ECE1: variants seen among roughly 807,000 people sequenced by gnomAD.
ECE1 encodes endothelin-converting enzyme 1.
ECE1 carries 35 observed loss-of-function variants against 98.6 expected under a neutral mutation model. The observed-to-expected ratio is 0.35, with a 90% CI of 0.27 to 0.47. The LOEUF (loss-of-function observed/expected upper bound fraction) is 0.47. ECE1 is among the 20% of genes least tolerant of loss of function. The probability of loss-of-function intolerance (pLI) is 1.00; values close to 1 mark genes in which losing one functional copy is unlikely to be tolerated. For missense variants in ECE1, 814 were observed against 1,025.3 expected (o/e 0.79, Z 2.81); for synonymous variants, 394 against 407.1 (o/e 0.97, Z 0.39).
intron 1 of ECE1, among the ~76,000 whole-genome samples, chr1:21,320,202 C>T (rs1638931648): frequency 6.6e-6 from 1 of 152,212 alleles, no homozygotes; most frequent in African/African-American, 2.4e-5. Context: ...CCAGCTGATA[C>T]CTGGTGAGAC....
At chr1:21,299,849 G>A (rs213055) in intron 1 of ECE1, 16,086 of 152,242 alleles carry the variant, frequency 0.11, 1,106 homozygotes, top group East Asian at 0.39. Context: ...CTGTAAAATG[G>A]GGAAGTAGTT....
Position 21,329,890 on chromosome 1 carries a change from G to A in ECE1, c.3+15486C>T, listed in dbSNP as rs75734938. 5.0e-4 allele frequency among the ~76,000 whole-genome samples: 76 copies of A among 152,280 alleles called. 1 individual carries two copies. In the East Asian group the frequency reaches 0.014, roughly 28 times the overall value. On this transcript the variant is annotated intron_variant, in intron 1 of 18. Coordinates refer to the ECE1 transcript ENST00000415912. ...AAATGGTCTAGGGCTCACGTGGAGT[G>A]ACCCAGGACCCAGAGTCTCACCTCC... is the stretch of plus-strand genomic sequence containing the variant.
chr1:21,260,396 GAAC>G lies in ECE1; in HGVS notation c.494-7_494-5del, dbSNP rs776271751. The G allele has an allele frequency of 6.8e-6, 11 of 1,614,076 alleles. No homozygotes were observed. The highest frequency in any genetic ancestry group is 3.3e-5 in the South Asian group (3 of 91,090). ...CTCACGCTGGCCGTGGAGTTTTCTG[GAAC>G]AACAGACAGTGGAGTTTGCAATGCG... On this transcript the variant is annotated splice_region_variant and splice_polypyrimidine_tract_variant and intron_variant, in intron 4 of 18. Coordinates refer to ENST00000374893, the MANE Select transcript of ECE1 (RefSeq NM_001397.3). This position sits in a 1 kb window ranked among gnomAD's most constrained non-coding sequence, Gnocchi z 4.3.
At chr1:21,259,941 C>T (rs1487140830) in intron 5 of ECE1, among the ~76,000 whole-genome samples, 2 of 152,154 alleles carry the variant, frequency 1.3e-5, no homozygotes, top group African/African-American at 2.4e-5. Flanking sequence ...ACAGCAGCAA[C>T]GTGGAGGAAT....
intron 8 of ECE1, 126 bp downstream of exon 8, chr1:21,255,821 A>T (rs1204171519): frequency 8.2e-6 from 9 of 1,097,018 alleles, no homozygotes; most frequent in Non-Finnish European, 1.2e-5. Flanking sequence ...TGGGCATAAC[A>T]ACCATCCTTC....
At position 21,225,541 on chromosome 1, in the gene ECE1, C is replaced by T. The variant is rs756194146; in HGVS notation, c.1850-101G>A. On this transcript the variant is annotated intron_variant, in intron 16 of 18. Transcript: ENST00000374893. The surrounding 1 kb of genome is among the most constrained non-coding windows in gnomAD (Gnocchi z 5.3). The stretch of plus-strand genomic sequence containing the variant: ...GTGAGAAGCGGTTCATCCGTCCACC[C>T]CCGTCCTCCAGCCACCATGGGGAGA... 6 of 1,389,662 alleles carry T rather than the reference C, an allele frequency of 4.3e-6. No homozygotes were observed. The highest frequency in any genetic ancestry group is 1.9e-4 in the Middle Eastern group (1 of 5,334). The allele number at this position is 1,389,662 out of a possible 1,614,324, so 86.1% of individuals were successfully genotyped here. A position where few individuals can be genotyped will look rare whatever the true frequency, so the allele number is the denominator to read the frequency against.
At position 21,260,782 on chromosome 1, in the gene ECE1, G is replaced by C. The variant is rs2098225780; in HGVS notation, c.494-390C>G. On this transcript the variant is annotated intron_variant, in intron 4 of 18. Coordinates refer to ENST00000374893, the MANE Select transcript of ECE1 (RefSeq NM_001397.3). This position sits in a 1 kb window ranked among gnomAD's most constrained non-coding sequence, Gnocchi z 4.3. ...GGACAGAGGCCGGTCTTGGTTTTCA[G>C]ATACCAGATGATCTTTCTTGTGATA... Among the ~76,000 whole-genome samples, 1 of 152,208 alleles carries C rather than the reference G, an allele frequency of 6.6e-6. No individual in the cohort carries two copies. The highest frequency in any genetic ancestry group is 6.5e-5 in the Admixed American group (1 of 15,282).
chr1:21,221,819 C>A lies in ECE1; in HGVS notation c.2064G>T (p.Lys688Asn). The part of the protein sequence containing the change: ...AYRAYQNWVK[K>N]NGAEHSLPTL... ...TGGGGAGCGAGTGCTCAGCCCCGTT[C>A]TTCTTCACCCAGTTCTGGTAAGCCT... is the stretch of plus-strand genomic sequence containing the variant. The change falls in exon 18 of 19, where the codon AAG (lysine) becomes AAT (asparagine). Residue 688 changes from lysine to asparagine, a missense_variant. By Grantham distance (94) the Lys-to-Asn change is moderately conservative. Around this residue, in one of 3 missense-constraint regions of ECE1, gnomAD observed 452 missense variants for 567.3 expected, o/e 0.80. Transcript: ENST00000374893. 6.2e-7 allele frequency: 1 copy of A among 1,614,198 alleles called. No individual in the cohort carries two copies. The highest frequency in any genetic ancestry group is 8.5e-7 in the Non-Finnish European group (1 of 1,180,012).
intron 1 of ECE1, among the ~76,000 whole-genome samples, chr1:21,316,640 C>T (rs1418318065): frequency 6.6e-6 from 1 of 152,042 alleles, no homozygotes; most frequent in African/African-American, 2.4e-5. Flanking sequence ...CGCCAAGAGA[C>T]ATGAATATGG....
intron 2 of ECE1, among the ~76,000 whole-genome samples, chr1:21,286,856 T>C (rs1278512587): frequency 1.3e-5 from 2 of 150,806 alleles, no homozygotes; most frequent in African/African-American, 2.4e-5. Flanking sequence ...TCAAGGCTGC[T>C]AGTAAGCCCA....
intron 1 of ECE1, among the ~76,000 whole-genome samples, chr1:21,320,237 C>A (rs1422536093): frequency 6.6e-6 from 1 of 152,148 alleles, no homozygotes; most frequent in African/African-American, 2.4e-5. Context: ...CGACTATCTC[C>A]AGGCTCCAGC....
intron 1 of ECE1, among the ~76,000 whole-genome samples, chr1:21,344,676 C>T (rs1396433549): frequency 1.3e-5 from 2 of 152,178 alleles, no homozygotes; most frequent in Non-Finnish European, 2.9e-5. Context: ...CCTGGTACTC[C>T]TGCCTATCGC....
At chr1:21,243,107 G>A (rs998014240) in intron 10 of ECE1, among the ~76,000 whole-genome samples, 1 of 152,202 alleles carries the variant, frequency 6.6e-6, no homozygotes, top group Admixed American at 6.5e-5. Context: ...CAGGGCTATG[G>A]AATCAGATAG....
chr1:21,250,275 C>T (rs923626082), intron 8 of ECE1, among the ~76,000 whole-genome samples: 6 of 152,186 alleles, frequency 3.9e-5, no homozygotes, highest in Non-Finnish European at 8.8e-5. Flanking sequence ...ACAGTATCCT[C>T]AAGTAAAGTT....
At chr1:21,344,828 C>T (rs1453775348) in intron 1 of ECE1, 2 of 152,698 alleles carry the variant, frequency 1.3e-5, no homozygotes, top group Non-Finnish European at 2.9e-5. Flanking sequence ...CCACCACATA[C>T]ACCCCTTAGG....
At chr1:21,333,548 C>T (rs935684678) in intron 1 of ECE1, among the ~76,000 whole-genome samples, 3 of 152,300 alleles carry the variant, frequency 2.0e-5, no homozygotes, top group Admixed American at 6.5e-5. Context: ...GACAGAGCCA[C>T]GGGCTGGGCG....
chr1:21,321,559 T>C (rs1638963903), intron 1 of ECE1, among the ~76,000 whole-genome samples: 1 of 152,168 alleles, frequency 6.6e-6, no homozygotes, highest in Non-Finnish European at 1.5e-5. Context: ...GCACCAGGCT[T>C]GTCATGCACT....
chr1:21,289,730 C>T (rs910997502), intron 2 of ECE1, among the ~76,000 whole-genome samples: 2 of 151,812 alleles, frequency 1.3e-5, no homozygotes, highest in Admixed American at 6.6e-5. Context: ...GGGCAAGTCC[C>T]GGGACATGCA....
chr1:21,223,063 C>CT (rs2098169522), intron 17 of ECE1, among the ~76,000 whole-genome samples: 1 of 151,466 alleles, frequency 6.6e-6, no homozygotes, highest in Non-Finnish European at 1.5e-5. Context: ...CAACCTCCAC[C>CT]TCCTAGGCTC....
Sources: gnomAD v4.1 joint callset for allele counts (sites outside exome capture counted in the v4.1 genomes callset) on GRCh38, gnomAD v4.1.1 for gene constraint, gnomAD v4.1.1 regional missense constraint, Gnocchi (gnomAD v3.1) non-coding constraint, MANE v1.5 for transcripts, NCBI Gene and HGNC (gene_info 2026-07-23, HGNC 2026-07-21) for gene names.